KCNAB2: variants seen among roughly 807,000 people sequenced by gnomAD.
KCNAB2 encodes potassium voltage-gated channel subfamily A regulatory beta subunit 2, also known as voltage-gated potassium channel subunit beta-2.
In KCNAB2, 29 loss-of-function variants were observed where a neutral mutation model predicts 63.6. The observed-to-expected ratio is 0.46, with a 90% CI of 0.34 to 0.62. The LOEUF (loss-of-function observed/expected upper bound fraction) is 0.62. Ranked by LOEUF, KCNAB2 falls within the 20% of genes least tolerant of loss-of-function variation. The pLI, the probability that KCNAB2 is intolerant of heterozygous loss-of-function variation, is 0.01. For missense variants in KCNAB2, 359 were observed against 563.9 expected (o/e 0.64, Z 3.68); for synonymous variants, 222 against 224.2 (o/e 0.99, Z 0.09).
Position 6,062,206 on chromosome 1 carries a change from C to T in KCNAB2, c.218+10452C>T, listed in dbSNP as rs553698878. Among the ~76,000 whole-genome samples, 312 of 151,822 alleles carry T rather than the reference C, an allele frequency of 2.1e-3. 3 individuals carry two copies. Among genetic ancestry groups the T allele is most frequent in the African/African-American group, 7.1e-3 (293 of 41,368 alleles). On this transcript the variant is annotated intron_variant, in intron 2 of 15. Coordinates refer to ENST00000378083, the MANE Select transcript of KCNAB2 (RefSeq NM_001199862.2). ...GCACATGCCTGTAATCCCAGCTACT[C>T]GGGAGGCTGAGGTAGGAGAATCACT...
chr1:6,056,473 C>T (rs938744992), intron 2 of KCNAB2, among the ~76,000 whole-genome samples: 2 of 152,262 alleles, frequency 1.3e-5, no homozygotes, highest in Non-Finnish European at 2.9e-5. Flanking sequence ...GCCTAGCACA[C>T]ACTTCCCCTC....
rs1664695812 is a variant in KCNAB2, at chr1:6,086,350, C to G, written c.425+1102C>G. On this transcript the variant is annotated intron_variant, in intron 6 of 15. Transcript: ENST00000378083. The surrounding 1 kb of genome is among the most constrained non-coding windows in gnomAD (Gnocchi z 4.2). ...AATTCCTCCTCACCCTGTAATTAAA[C>G]GAAATTGCACGTATTAGCAAATCCC... The G allele has an allele frequency of 1.0e-6, 1 of 984,806 alleles. No individual in the cohort carries two copies. The highest frequency in any genetic ancestry group is 1.2e-6 in the Non-Finnish European group (1 of 829,852). 61.0% of individuals were successfully genotyped at this position (984,806 alleles called of 1,614,324 possible).
Position 6,096,937 on chromosome 1 carries a change from C to G in KCNAB2, c.1069+181C>G, listed in dbSNP as rs79108094. ...GCTCTAAGGGGCATGGTTGGGACCC[C>G]ATGCCTCTAGGGGGATGTCAGGAGT... On this transcript the variant is annotated intron_variant, in intron 14 of 15. Transcript: ENST00000378083. The surrounding 1 kb of genome is among the most constrained non-coding windows in gnomAD (Gnocchi z 5.9). 1.1e-3 allele frequency among the ~76,000 whole-genome samples: 161 copies of G among 152,308 alleles called. No homozygotes were observed. The highest frequency in any genetic ancestry group is 3.7e-3 in the African/African-American group (154 of 41,552).
Position 6,078,430 on chromosome 1 carries a change from A to G in KCNAB2, c.301-3765A>G, listed in dbSNP as rs1457096079. Among the ~76,000 whole-genome samples, 2 of 138,476 alleles carry G rather than the reference A, an allele frequency of 1.4e-5. No homozygotes were observed. The highest frequency in any genetic ancestry group is 7.2e-3 in the Middle Eastern group (2 of 276). The allele number at this position is 138,476 out of a possible 152,430, so 90.8% of individuals were successfully genotyped here. On this transcript the variant is annotated intron_variant, in intron 4 of 15. Transcript: ENST00000378083. The surrounding 1 kb of genome is among the most constrained non-coding windows in gnomAD (Gnocchi z 4.2). ...TAGTTGACTGCAGAGAAGAAAGTAGAAAAAGGAGGGCAGGGGGGCGGGGGT... is the reference window on the plus strand; with the variant it reads ...TAGTTGACTGCAGAGAAGAAAGTAGGAAAAGGAGGGCAGGGGGGCGGGGGT...
intron 4 of KCNAB2, among the ~76,000 whole-genome samples, chr1:6,079,520 C>CA (rs34597897): frequency 0.25 from 36,363 of 145,476 alleles, 4,752 homozygotes; most frequent in East Asian, 0.31. Flanking sequence ...CTCCATCTCC[C>CA]AAAAAAAAAA....
chr1:6,040,717 A>G (rs1338313226), intron 2 of KCNAB2: 37 of 950,014 alleles, frequency 3.9e-5, no homozygotes, highest in African/African-American at 1.6e-5. Flanking sequence ...TCCCAAGGCC[A>G]CTGTCCTCCC....
rs907089071 is a variant in KCNAB2 at position 6,069,015 on chromosome 1, C to A, written c.219-3740C>A. The stretch of plus-strand genomic sequence containing the variant: ...TGGTCCCGAGAGTCTGACCCCAGGG[C>A]CTGGGCTTCTCACCCCTGAATTACT... On this transcript the variant is annotated intron_variant, in intron 2 of 15. Transcript: ENST00000378083. This position sits in a 1 kb window ranked among gnomAD's most constrained non-coding sequence, Gnocchi z 5.4. Among the ~76,000 whole-genome samples, 1 of 152,140 alleles carries A rather than the reference C, an allele frequency of 6.6e-6. No homozygotes were observed. The highest frequency in any genetic ancestry group is 1.5e-5 in the Non-Finnish European group (1 of 68,030).
rs543582682 is a variant in KCNAB2, at chr1:6,028,731, C to T, written c.-52-11786C>T. On this transcript the variant is annotated intron_variant, in intron 1 of 16. Coordinates refer to the KCNAB2 transcript ENST00000341524. This position sits in a 1 kb window ranked among gnomAD's most constrained non-coding sequence, Gnocchi z 4.0. ...AGAGTCCATCGTTGGTGTTGCTCCA[C>T]TGACCTCCAGGATGGCCTCCAGGGA... is the stretch of plus-strand genomic sequence containing the variant. Among the ~76,000 whole-genome samples the T allele has an allele frequency of 1.3e-5, 2 of 152,358 alleles. No homozygotes were observed. Among genetic ancestry groups the T allele is most frequent in the East Asian group, 3.9e-4 (2 of 5,188 alleles).
intron 1 of KCNAB2, among the ~76,000 whole-genome samples, chr1:6,007,097 G>A (rs986211521): frequency 1.1e-4 from 16 of 152,148 alleles, no homozygotes; most frequent in Admixed American, 4.6e-4. Context: ...CGGACAGTCC[G>A]ACCTCTCCGA....
intron 2 of KCNAB2, among the ~76,000 whole-genome samples, chr1:6,055,657 A>G (rs1464628290): frequency 6.6e-6 from 1 of 151,964 alleles, no homozygotes; most frequent in Non-Finnish European, 1.5e-5. Context: ...CACCCCACCA[A>G]CAAAGTCCCT....
chr1:6,098,302 T>C (rs1665816755), intron 15 of KCNAB2, 183 bp from the exon 16 acceptor site: 1 of 1,413,502 alleles, frequency 7.1e-7, no homozygotes, highest in Non-Finnish European at 9.2e-7. Flanking sequence ...GCTTCCTCTC[T>C]GCCCCAAACC....
chr1:6,099,664 A>T lies in KCNAB2; in HGVS notation c.*1090A>T. ...GTGGAGCGCATGCTTGGACCCTTTC[A>T]GTAAGGAAGGGTCTTTGGGGTTTTC... On this transcript the variant is annotated 3_prime_UTR_variant, in exon 16 of 16. Coordinates refer to ENST00000378083, the MANE Select transcript of KCNAB2 (RefSeq NM_001199862.2). 8.4e-7 allele frequency: 1 copy of T among 1,196,194 alleles called. No individual in the cohort carries two copies. Among genetic ancestry groups the T allele is most frequent in the Non-Finnish European group, 1.1e-6 (1 of 885,722 alleles). 74.1% of individuals were successfully genotyped at this position (1,196,194 alleles called of 1,614,324 possible).
At chr1:6,089,462 G>T (rs193076409) in intron 8 of KCNAB2, among the ~76,000 whole-genome samples, 1 of 152,356 alleles carries the variant, frequency 6.6e-6, no homozygotes, top group African/African-American at 2.4e-5. Flanking sequence ...GCACTCGCAG[G>T]CACCGGAGCA....
At chr1:6,062,636 G>A (rs1434641096) in intron 2 of KCNAB2, among the ~76,000 whole-genome samples, 1 of 152,130 alleles carries the variant, frequency 6.6e-6, no homozygotes, top group African/African-American at 2.4e-5. Flanking sequence ...GGGGTTACTT[G>A]TGCTGGGGGC....
At position 6,019,186 on chromosome 1, in the gene KCNAB2, G is replaced by T. The variant is rs529245173; in HGVS notation, c.-52-21331G>T. On this transcript the variant is annotated intron_variant, in intron 1 of 16. Coordinates refer to the KCNAB2 transcript ENST00000341524. ...ACACACATGTAGTTCCAGCTACTTG[G>T]GAGGCTGAGGCAGACGGATCACTTG... Among the ~76,000 whole-genome samples, 10 of 152,078 alleles carry T rather than the reference G, an allele frequency of 6.6e-5. No homozygotes were observed. The South Asian group carries it at 1.2e-3, about 19-fold the overall frequency.
In KCNAB2 at chr1:6,096,118, C is replaced by G. The variant is rs1190794709; in HGVS notation, c.948+494C>G. ...AAGGAGCAGGCCAAGAAAGTCTGCCCAGCCAGCAGTCTCAGCACTGGGGCC... is the reference window on the plus strand; with the variant it reads ...AAGGAGCAGGCCAAGAAAGTCTGCCGAGCCAGCAGTCTCAGCACTGGGGCC... On this transcript the variant is annotated intron_variant, in intron 13 of 15. Transcript: ENST00000378083. This position sits in a 1 kb window ranked among gnomAD's most constrained non-coding sequence, Gnocchi z 5.9. 4.4e-6 allele frequency: 2 copies of G among 457,730 alleles called. No homozygotes were observed. The highest frequency in any genetic ancestry group is 4.7e-5 in the Admixed American group (2 of 42,598). The allele number at this position is 457,730 out of a possible 1,614,324, so 28.4% of individuals were successfully genotyped here. A position where few individuals can be genotyped will look rare whatever the true frequency, so the allele number is the denominator to read the frequency against.
At chr1:6,045,290 T>G (rs763206660), upstream of KCNAB2, among the ~76,000 whole-genome samples, 20 of 152,296 alleles carry the variant, frequency 1.3e-4, no homozygotes, top group Admixed American at 2.6e-4. This position sits in a 1 kb window ranked among gnomAD's most constrained non-coding sequence, Gnocchi z 4.8. Context: ...GAAGATGATG[T>G]CACGCTGGGA....
intron 1 of KCNAB2, among the ~76,000 whole-genome samples, chr1:5,993,545 C>T (rs2102519457): frequency 6.6e-6 from 1 of 152,332 alleles, no homozygotes; most frequent in African/African-American, 2.4e-5. Flanking sequence ...GCAAAGACCC[C>T]ACTGCTGCAC....
chr1:6,063,865 G>A (rs957010342), intron 2 of KCNAB2, among the ~76,000 whole-genome samples: 6 of 152,170 alleles, frequency 3.9e-5, no homozygotes, highest in Non-Finnish European at 7.3e-5. Flanking sequence ...TTTTTGTGTG[G>A]GCGTATGTTT....
Sources: gnomAD v4.1 joint callset for allele counts (sites outside exome capture counted in the v4.1 genomes callset) on GRCh38, gnomAD v4.1.1 for gene constraint, Gnocchi (gnomAD v3.1) non-coding constraint, MANE v1.5 for transcripts, NCBI Gene and HGNC (gene_info 2026-07-23, HGNC 2026-07-21) for gene names.